PCDHA6: variants seen among roughly 807,000 people sequenced by gnomAD.
PCDHA6 encodes the protein protocadherin alpha 6.
Under a neutral mutation model 60.3 loss-of-function variants are expected in PCDHA6, and 55 were observed. That is an observed-to-expected ratio of 0.91 (90% CI 0.73 to 1.14). The LOEUF is 1.14. PCDHA6 is among the 50% of genes most tolerant of loss of function. The pLI is 0.00. For missense variants in PCDHA6, 1,327 were observed against 1,256.5 expected, an observed-to-expected ratio of 1.06 and a Z score of -0.85; for synonymous variants, 652 against 557.9, an observed-to-expected ratio of 1.17 and a Z score of -2.38.
At chr5:140,857,787 T>C in intron 1 of PCDHA6, 1 of 1,597,564 alleles carries the variant, frequency 6.3e-7, no homozygotes, top group Non-Finnish European at 8.6e-7. Flanking sequence ...AGTGAGCTGG[T>C]GCTGCGGTCG....
chr5:140,856,036 A>G (rs1554148102), intron 1 of PCDHA6: 5 of 1,567,408 alleles, frequency 3.2e-6, no homozygotes, highest in Non-Finnish European at 4.3e-6. Flanking sequence ...TTGTAAAACA[A>G]GAGAAGGATA....
At chr5:140,841,911 G>GA (rs2150325443) in intron 1 of PCDHA6, 1 of 1,613,886 alleles carries the variant, frequency 6.2e-7, no homozygotes, top group Non-Finnish European at 8.5e-7. Flanking sequence ...CTCGTATTAA[G>GA]AAAATCCTTG....
At chr5:140,994,065 T>A (rs1563596985) in intron 3 of PCDHA6, among the ~76,000 whole-genome samples, 1 of 152,092 alleles carries the variant, frequency 6.6e-6, no homozygotes, top group Non-Finnish European at 1.5e-5. Context: ...ATAAATCTAA[T>A]GGTGAAGGGA....
At chr5:140,950,546 C>G (rs1323652854) in intron 1 of PCDHA6, among the ~76,000 whole-genome samples, 4 of 151,970 alleles carry the variant, frequency 2.6e-5, no homozygotes, top group Non-Finnish European at 4.4e-5. Flanking sequence ...TCTTGCATGG[C>G]TGGGGGGACA....
At chr5:140,843,515 T>TGCCGGGCGGGC in intron 1 of PCDHA6, 1 of 1,595,536 alleles carries the variant, frequency 6.3e-7, no homozygotes, top group Non-Finnish European at 8.6e-7. Context: ...TGAGGGCGGG[T>TGCCGGGCGGGC]GCCGGGCGGG....
chr5:140,946,631 T>TATATATATATATATATATATATATACAC lies in PCDHA6; in HGVS notation c.2395-32317_2395-32316insTATATATATATATATATATATATACACA, dbSNP rs57893927. 8.3e-4 allele frequency among the ~76,000 whole-genome samples: 109 copies of TATATATATATATATATATATATATACAC among 131,802 alleles called. 1 individual carries two copies. The highest frequency in any genetic ancestry group is 3.6e-3 in the African/African-American group (102 of 28,672). 86.5% of individuals were successfully genotyped at this position (131,802 alleles called of 152,430 possible). A position where few individuals can be genotyped will look rare whatever the true frequency, so the allele number is the denominator to read the frequency against. On this transcript the variant is annotated intron_variant, in intron 1 of 3. Transcript: ENST00000529310. ...TGTGAAATATATATATATATATATA[T>TATATATATATATATATATATATATACAC]ACAATGGAATACTCATCAGCCATTA...
intron 1 of PCDHA6, chr5:140,843,614 C>A: frequency 6.3e-7 from 1 of 1,596,062 alleles, no homozygotes; most frequent in Non-Finnish European, 8.6e-7. Flanking sequence ...TGAGGGGCCA[C>A]CGAAGACGGA....
chr5:140,848,093 T>G, intron 1 of PCDHA6: 1 of 167,516 alleles, frequency 6.0e-6, no homozygotes, highest in South Asian at 1.6e-4. Context: ...AAGTGGAGAG[T>G]TTTCTCAGGG....
chr5:140,850,016 C>A, intron 1 of PCDHA6: 1 of 1,596,912 alleles, frequency 6.3e-7, no homozygotes. Context: ...TGTCGAGCTA[C>A]GTGTCAGTGC....
At chr5:140,991,228 T>C (rs2097439456) in intron 3 of PCDHA6, among the ~76,000 whole-genome samples, 1 of 152,220 alleles carries the variant, frequency 6.6e-6, no homozygotes, top group African/African-American at 2.4e-5. Flanking sequence ...CATTAATAAA[T>C]GCAGTGGTAA....
Position 141,010,476 on chromosome 5 carries a change from G to T in PCDHA6, c.*539G>T. ...GAAGTTATCAGTATGGAGGGGAAGT[G>T]TAAACTTAAAGGGACCAGACTTTCT... is the stretch of plus-strand genomic sequence containing the variant. On this transcript the variant is annotated 3_prime_UTR_variant, in exon 4 of 4. Coordinates refer to ENST00000529310, the MANE Select transcript of PCDHA6 (RefSeq NM_018909.4). 1.3e-6 allele frequency: 1 copy of T among 752,476 alleles called. No individual in the cohort carries two copies. Among genetic ancestry groups the T allele is most frequent in the Non-Finnish European group, 2.0e-6 (1 of 499,640 alleles). The allele number at this position is 752,476 out of a possible 1,614,324, so 46.6% of individuals were successfully genotyped here. A position where few individuals can be genotyped will look rare whatever the true frequency, so the allele number is the denominator to read the frequency against.
chr5:140,985,498 C>G (rs540282855), intron 3 of PCDHA6, among the ~76,000 whole-genome samples: 2 of 152,274 alleles, frequency 1.3e-5, no homozygotes, highest in African/African-American at 4.8e-5. Flanking sequence ...ATAGAGCCTG[C>G]CTTTCATTGA....
At chr5:140,898,956 T>C (rs1352076218) in intron 1 of PCDHA6, among the ~76,000 whole-genome samples, 4 of 152,130 alleles carry the variant, frequency 2.6e-5, no homozygotes, top group Admixed American at 2.6e-4. Context: ...GAAGCAGTTG[T>C]GAATGGGAGT....
In PCDHA6 at chr5:141,011,088, T is replaced by TTCTC. The variant is rs375099849; in HGVS notation, c.*1165_*1168dup. 6.6e-6 allele frequency: 1 copy of TTCTC among 152,032 alleles called. No homozygotes were observed. Among genetic ancestry groups the TTCTC allele is most frequent in the Non-Finnish European group, 1.5e-5 (1 of 67,462 alleles). 9.4% of individuals were successfully genotyped at this position (152,032 alleles called of 1,614,324 possible). A position where few individuals can be genotyped will look rare whatever the true frequency, so the allele number is the denominator to read the frequency against. On this transcript the variant is annotated 3_prime_UTR_variant, in exon 4 of 4. Transcript: ENST00000529310. The stretch of plus-strand genomic sequence containing the variant: ...TATTACTAAATAAAATGATCTCTCT[T>TTCTC]TCTCTCTCTCTCTCTCTTTTCTAAG...
chr5:140,966,280 G>C (rs782249047), intron 1 of PCDHA6: 3 of 365,660 alleles, frequency 8.2e-6, no homozygotes, highest in African/African-American at 4.2e-5. Flanking sequence ...CTGGACAGTG[G>C]GGGTAGGGAG....
At chr5:140,855,829 C>T in intron 1 of PCDHA6, 1 of 560,296 alleles carries the variant, frequency 1.8e-6, no homozygotes. Flanking sequence ...CTCATGGAAT[C>T]GTACTTACAC....
intron 1 of PCDHA6, among the ~76,000 whole-genome samples, chr5:140,942,620 A>T (rs1304224304): frequency 1.4e-4 from 4 of 28,710 alleles, no homozygotes; most frequent in Admixed American, 3.3e-4. Context: ...TGCCAATTGT[A>T]AAAAAAAAAA....
At chr5:140,863,532 T>G (rs1554158313) in intron 1 of PCDHA6, 1 of 390,936 alleles carries the variant, frequency 2.6e-6, no homozygotes, top group Non-Finnish European at 5.0e-6. Context: ...GTTCAGATTT[T>G]GGAGATGGAC....
chr5:140,841,545 T>C lies in PCDHA6; in HGVS notation c.2394+11060T>C, dbSNP rs1554138308. ...GCGTCCAAAAGACACCGGGACCTTC[T>C]GGAGGTAAGTCTGCAGAATGGCATT... On this transcript the variant is annotated intron_variant, in intron 1 of 3. Coordinates refer to ENST00000529310, the MANE Select transcript of PCDHA6 (RefSeq NM_018909.4). 1 of 1,613,752 alleles carries C rather than the reference T, an allele frequency of 6.2e-7. No homozygotes were observed.
Sources: gnomAD v4.1 joint callset for allele counts (sites outside exome capture counted in the v4.1 genomes callset) on GRCh38, gnomAD v4.1.1 for gene constraint, MANE v1.5 for transcripts, NCBI Gene and HGNC (gene_info 2026-07-23, HGNC 2026-07-21) for gene names.